Variants in CCDC73 observed in about 807,000 individuals in gnomAD.
CCDC73 encodes the protein coiled-coil domain-containing protein 73.
Under a neutral mutation model 116.5 loss-of-function variants are expected in CCDC73, and 95 were observed. The observed-to-expected ratio is 0.82, with a 90% confidence interval of 0.69 to 0.97. The LOEUF (loss-of-function observed/expected upper bound fraction) is 0.97, where lower values mean the gene tolerates loss of function less well. Among genes scored for constraint, CCDC73 ranks in the 50% least tolerant of loss-of-function variants. The pLI is 0.00. For synonymous variants in CCDC73, 398 were observed against 401.3 expected (o/e 0.99, Z 0.10); for missense variants, 1,066 against 1,206.8 (o/e 0.88, Z 1.73).
At chr11:32,732,174 G>C (rs1444663201) in intron 2 of CCDC73, among the ~76,000 whole-genome samples, 1 of 152,206 alleles carries the variant, frequency 6.6e-6, no homozygotes, top group Non-Finnish European at 1.5e-5. Flanking sequence ...ATCAGTGATT[G>C]AAGATCAAAT....
At chr11:32,708,972 C>A (rs1368310848) in intron 3 of CCDC73, among the ~76,000 whole-genome samples, 1 of 152,126 alleles carries the variant, frequency 6.6e-6, no homozygotes, top group Non-Finnish European at 1.5e-5. Flanking sequence ...AAGTGGGCAT[C>A]CTTGTCTTGT....
At position 32,719,175 on chromosome 11, in the gene CCDC73, A is replaced by G. The variant is rs544541156; in HGVS notation, c.136-1028T>C. Among the ~76,000 whole-genome samples the G allele has an allele frequency of 3.3e-5, 5 of 152,330 alleles. No homozygotes were observed. In the East Asian group the frequency reaches 9.6e-4, roughly 29 times the overall value. ...TAGAAATACTCTCTGGTTTTGTTTG[A>G]AATAATGTAATACTCCTGAATTCGC... On this transcript the variant is annotated intron_variant, in intron 2 of 17. Coordinates refer to ENST00000335185, the MANE Select transcript of CCDC73 (RefSeq NM_001008391.4).
chr11:32,632,613 T>C (rs531793138), intron 14 of CCDC73, among the ~76,000 whole-genome samples: 1 of 152,278 alleles, frequency 6.6e-6, no homozygotes, highest in African/African-American at 2.4e-5. Context: ...TGTGTGTGTG[T>C]GTGTGTATGT....
At chr11:32,667,783 C>A (rs1016235330) in intron 9 of CCDC73, among the ~76,000 whole-genome samples, 1 of 152,148 alleles carries the variant, frequency 6.6e-6, no homozygotes, top group Non-Finnish European at 1.5e-5. Context: ...TGGAGCTGTT[C>A]CTATTCAGCC....
At chr11:32,625,797 T>C (rs573790421) in intron 14 of CCDC73, among the ~76,000 whole-genome samples, 1 of 152,072 alleles carries the variant, frequency 6.6e-6, no homozygotes, top group South Asian at 2.1e-4. Context: ...TGCTAAAAAC[T>C]CTCAATAAAT....
chr11:32,699,105 C>A, intron 6 of CCDC73, 146 bp downstream of exon 6: 3 of 858,520 alleles, frequency 3.5e-6, no homozygotes, highest in Non-Finnish European at 2.9e-6. Context: ...TAAAACAAGG[C>A]TCTCAGGAAA....
chr11:32,610,122 A>G (rs1293493425), intron 17 of CCDC73, among the ~76,000 whole-genome samples: 1 of 152,040 alleles, frequency 6.6e-6, no homozygotes, highest in Non-Finnish European at 1.5e-5. Context: ...CGGCAGCAAG[A>G]GAGAAGAGAG....
Position 32,602,943 on chromosome 11 carries a change from A to C in CCDC73, c.3108T>G (p.Gly1036=), listed in dbSNP as rs1260157273. Residue 1036 remains glycine, a synonymous_variant, in exon 18 of 18, where the codon GGT becomes GGG. Coordinates refer to ENST00000335185, the MANE Select transcript of CCDC73 (RefSeq NM_001008391.4). ...TAATGAGGCTCTGCCAGTCATCATC[A>C]CCAGAAGTATTTTTAGTCGTCTTGA... The part of the protein sequence containing the change: ...QAIKTTKNTS[G]DDDWQSLITN... 6.2e-7 allele frequency: 1 copy of C among 1,613,552 alleles called. No homozygotes were observed. The highest frequency in any genetic ancestry group is 8.5e-7 in the Non-Finnish European group (1 of 1,179,758).
the CCDC73 span, among the ~76,000 whole-genome samples, chr11:32,809,419 G>A: frequency 9.2e-5 from 14 of 152,310 alleles, no homozygotes; most frequent in African/African-American, 2.9e-4. Context: ...GCTAGGGGGC[G>A]GAGAGGGGTC....
chr11:32,603,933 G>C (rs1211922351), intron 17 of CCDC73: 1 of 152,212 alleles, frequency 6.6e-6, no homozygotes, highest in Non-Finnish European at 1.5e-5. Flanking sequence ...TGGGCATGGT[G>C]GCATGCAACT....
chr11:32,691,265 C>G (rs575627051), intron 6 of CCDC73, among the ~76,000 whole-genome samples: 2 of 152,028 alleles, frequency 1.3e-5, no homozygotes, highest in Non-Finnish European at 2.9e-5. Flanking sequence ...AGGCTGGTCT[C>G]GAACTCCTGA....
chr11:32,771,392 G>T (rs1178448280), intron 1 of CCDC73, among the ~76,000 whole-genome samples: 1 of 152,172 alleles, frequency 6.6e-6, no homozygotes, highest in Non-Finnish European at 1.5e-5. Flanking sequence ...GCAGAATGGA[G>T]ACCTAATCAA....
At chr11:32,765,192 A>G (rs1197359320) in intron 1 of CCDC73, among the ~76,000 whole-genome samples, 1 of 152,212 alleles carries the variant, frequency 6.6e-6, no homozygotes, top group Non-Finnish European at 1.5e-5. Context: ...CACTGTCAAC[A>G]TTAGACAGCT....
intron 3 of CCDC73, among the ~76,000 whole-genome samples, chr11:32,706,659 G>T (rs1280777738): frequency 6.6e-6 from 1 of 152,148 alleles, no homozygotes; most frequent in Non-Finnish European, 1.5e-5. Context: ...CTTGCAAAGA[G>T]AAATTTCTCT....
chr11:32,787,898 T>C (rs1267379956), intron 1 of CCDC73, among the ~76,000 whole-genome samples: 5 of 152,194 alleles, frequency 3.3e-5, no homozygotes, highest in Non-Finnish European at 7.4e-5. Context: ...TATAATCTAA[T>C]AAAATTATAA....
At chr11:32,727,120 G>T (rs1850035550) in intron 2 of CCDC73, among the ~76,000 whole-genome samples, 1 of 152,116 alleles carries the variant, frequency 6.6e-6, no homozygotes, top group African/African-American at 2.4e-5. Flanking sequence ...AATGGGGCTT[G>T]TCTGATATTT....
At chr11:32,762,124 C>T (rs998188439) in intron 1 of CCDC73, among the ~76,000 whole-genome samples, 1 of 152,110 alleles carries the variant, frequency 6.6e-6, no homozygotes, top group Non-Finnish European at 1.5e-5. Flanking sequence ...GCCAAGTTGA[C>T]ACATAAAATT....
chr11:32,783,446 G>C (rs1036665479), intron 1 of CCDC73, among the ~76,000 whole-genome samples: 1 of 152,134 alleles, frequency 6.6e-6, no homozygotes, highest in African/African-American at 2.4e-5. Context: ...GTCTTAATCT[G>C]TTCAGATGAC....
chr11:32,645,736 A>T (rs1855772918), intron 12 of CCDC73, among the ~76,000 whole-genome samples: 1 of 152,160 alleles, frequency 6.6e-6, no homozygotes, highest in African/African-American at 2.4e-5. Context: ...ATGACAGTGC[A>T]GCAGGTTTGT....
Sources: allele counts gnomAD v4.1 joint callset (sites outside exome capture counted in the v4.1 genomes callset), GRCh38; gene constraint gnomAD v4.1.1; transcripts MANE v1.5; gene names NCBI Gene and HGNC (gene_info 2026-07-23, HGNC 2026-07-21).